The following TCF20 variants were observed in gnomAD, a reference collection of about 807,000 sequenced individuals.
TCF20 encodes SPRE-binding protein.
TCF20 carries 3 observed loss-of-function variants against 148.6 expected under a neutral mutation model. The ratio of observed to expected loss-of-function variants is 0.02; its 90% CI spans 0.01 to 0.05. TCF20 has a LOEUF of 0.05. Among genes scored for constraint, TCF20 ranks in the 10% least tolerant of loss-of-function variants. The pLI is 1.00. For synonymous variants in TCF20, 1,049 were observed against 909.5 expected, an observed-to-expected ratio of 1.15 and a Z score of -2.76; for missense variants, 2,350 against 2,429.3, an observed-to-expected ratio of 0.97 and a Z score of 0.69.
chr22:42,161,399 A>G (rs1237560925), intron 5 of TCF20, 41 bp from the exon 6 acceptor site: 2 of 1,613,708 alleles, frequency 1.2e-6, no homozygotes, highest in East Asian at 2.2e-5. Flanking sequence ...AGGAGCCTCC[A>G]CAGGGTCCAC....
intron 1 of TCF20, among the ~76,000 whole-genome samples, chr22:42,311,444 C>T (rs1927535419): frequency 6.6e-6 from 1 of 152,194 alleles, no homozygotes; most frequent in African/African-American, 2.4e-5. Flanking sequence ...ATCAAATCAG[C>T]CTCTAGAAGT....
upstream of TCF20, among the ~76,000 whole-genome samples, chr22:42,284,462 A>C (rs1341404287): frequency 6.6e-6 from 1 of 152,182 alleles, no homozygotes; most frequent in East Asian, 1.9e-4. Flanking sequence ...AGAGGGCTGC[A>C]TTTTACCTGG....
chr22:42,229,000 G>A (rs1415893764), intron 1 of TCF20, among the ~76,000 whole-genome samples: 1 of 152,190 alleles, frequency 6.6e-6, no homozygotes, highest in Non-Finnish European at 1.5e-5. Flanking sequence ...TACTTGTCCG[G>A]CATTTGGTAT....
chr22:42,327,677 T>A (rs1487108063), intron 1 of TCF20, among the ~76,000 whole-genome samples: 4 of 151,688 alleles, frequency 2.6e-5, no homozygotes, highest in African/African-American at 9.7e-5. Flanking sequence ...CGAGACTGAA[T>A]GCAGAGGAAG....
At chr22:42,201,732 C>CG (rs1373481470) in intron 2 of TCF20, among the ~76,000 whole-genome samples, 1 of 151,738 alleles carries the variant, frequency 6.6e-6, no homozygotes, top group Non-Finnish European at 1.5e-5. Flanking sequence ...TGTGCCATTG[C>CG]GGTCCAGCCT....
At chr22:42,337,673 A>C (rs985716417) in intron 1 of TCF20, among the ~76,000 whole-genome samples, 1 of 152,218 alleles carries the variant, frequency 6.6e-6, no homozygotes, top group Non-Finnish European at 1.5e-5. Context: ...CACAACTCAA[A>C]ATAGCTTGAG....
chr22:42,192,091 T>C (rs1012038623), intron 2 of TCF20, among the ~76,000 whole-genome samples: 3 of 152,196 alleles, frequency 2.0e-5, no homozygotes, highest in Admixed American at 6.5e-5. Flanking sequence ...TTAAAGAAAT[T>C]ACACTCCAGG....
chr22:42,208,480 A>G (rs1266286135), intron 2 of TCF20, among the ~76,000 whole-genome samples: 1 of 152,154 alleles, frequency 6.6e-6, no homozygotes, highest in East Asian at 1.9e-4. Flanking sequence ...TATAAATATT[A>G]GCTGGGCATG....
chr22:42,268,964 G>A lies in TCF20; in HGVS notation c.-37+1375C>T, dbSNP rs75387782. The stretch of plus-strand genomic sequence containing the variant: ...GGCTAAAACAGAGCACAAAATGAGA[G>A]ATAAAAAAGCAAAACCACAAACCCC... On this transcript the variant is annotated intron_variant, in intron 1 of 5. Transcript: ENST00000677622. 3.2e-4 allele frequency among the ~76,000 whole-genome samples: 48 copies of A among 152,300 alleles called. No homozygotes were observed. In the East Asian group the frequency reaches 9.1e-3, roughly 29 times the overall value.
At position 42,214,940 on chromosome 22, in the gene TCF20, C is replaced by A. The variant is rs532916918; in HGVS notation, c.366G>T (p.Gln122His). 1 of 1,614,226 alleles carries A rather than the reference C, an allele frequency of 6.2e-7. No individual in the cohort carries two copies. Among genetic ancestry groups the A allele is most frequent in the South Asian group, 1.1e-5 (1 of 91,086 alleles). ...CATACTGATTGCCAAAGCTGCTCCC[C>A]TGGGGGGGTCCATAGCTCTGCACAG... Reference protein sequence around the residue: ...SGPVQSYGPPQGSSFGNQYGS... With the variant: ...SGPVQSYGPPHGSSFGNQYGS... The change falls in exon 2 of 6, where the codon CAG becomes CAT. Residue 122 changes from glutamine (Q) to histidine (H), a missense_variant. Coordinates refer to ENST00000677622, the MANE Select transcript of TCF20 (RefSeq NM_001378418.1).
Position 42,213,665 on chromosome 22 carries a change from G to C in TCF20, c.1641C>G (p.Thr547=). 39 of 1,614,102 alleles carry C rather than the reference G, an allele frequency of 2.4e-5. No individual in the cohort carries two copies. The highest frequency in any genetic ancestry group is 3.2e-5 in the Non-Finnish European group (38 of 1,179,988). Residue 547 remains threonine, a synonymous_variant, in exon 2 of 6, where the codon ACC becomes ACG. Coordinates refer to ENST00000677622, the MANE Select transcript of TCF20 (RefSeq NM_001378418.1). The part of the protein sequence containing the change: ...LSGQSTSSDT[T]YKGGASEKAG... ...CTTTCTCAGAGGCTCCACCCTTGTA[G>C]GTGGTGTCAGAGCTGGTGCTCTGGC...
chr22:42,226,000 C>T (rs545672487), intron 1 of TCF20, among the ~76,000 whole-genome samples: 13 of 152,326 alleles, frequency 8.5e-5, no homozygotes, highest in Admixed American at 3.9e-4. Flanking sequence ...CTATATCCAC[C>T]ACATGCTTCT....
intron 2 of TCF20, among the ~76,000 whole-genome samples, chr22:42,198,816 C>G (rs946547984): frequency 1.3e-5 from 2 of 152,086 alleles, no homozygotes; most frequent in Non-Finnish European, 1.5e-5. Flanking sequence ...CGCCCGCCAC[C>G]ACGTCCAGCT....
At position 42,215,245 on chromosome 22, in the gene TCF20, C is replaced by T. The variant is rs1921633288; in HGVS notation, c.61G>A (p.Val21Ile). 2.5e-6 allele frequency: 4 copies of T among 1,614,200 alleles called. No homozygotes were observed. Among genetic ancestry groups the T allele is most frequent in the Non-Finnish European group, 3.4e-6 (4 of 1,180,038 alleles). ...TCTTCTAGCCGGGATGAGCCGTGTACCTCCTGTGGGTAGCTTTGCTGGTTT... is the reference window on the plus strand; with the variant it reads ...TCTTCTAGCCGGGATGAGCCGTGTATCTCCTGTGGGTAGCTTTGCTGGTTT... ...HGNQQSYPQE[V>I]HGSSRLEEFS... Residue 21 changes from valine (V) to isoleucine (I), a missense_variant, in exon 2 of 6, where the codon GTA (valine) becomes ATA (isoleucine). Val to Ile is a conservative substitution (Grantham distance 29). Transcript: ENST00000677622.
chr22:42,161,274 G>T lies in TCF20; in HGVS notation c.*129C>A. On this transcript the variant is annotated 3_prime_UTR_variant, in exon 6 of 6. Coordinates refer to ENST00000677622, the MANE Select transcript of TCF20 (RefSeq NM_001378418.1). ...GGCAGGCACGCGGGCGGGGCGGGGCGGGGCAGGGCAGGGTGTGGCTGCACG... is the reference window on the plus strand; with the variant it reads ...GGCAGGCACGCGGGCGGGGCGGGGCTGGGCAGGGCAGGGTGTGGCTGCACG... The T allele has an allele frequency of 1.2e-6, 2 of 1,603,948 alleles. No homozygotes were observed. Among genetic ancestry groups the T allele is most frequent in the Non-Finnish European group, 8.5e-7 (1 of 1,173,404 alleles).
Position 42,212,861 on chromosome 22 carries a change from G to A in TCF20, c.2445C>T (p.Pro815=), listed in dbSNP as rs367696499. Residue 815 remains proline (P), a synonymous_variant, in exon 2 of 6, where the codon CCC becomes CCT. Transcript: ENST00000677622. ...NKSIGSLLEN[P]HWGPWERKSS... is the part of the protein sequence containing the mutation. Reference sequence around the variant, plus strand: ...ATTTCCTTTCCCAGGGGCCCCAGTGGGGATTTTCTAATAGAGACCCAATGC... The same window carrying A: ...ATTTCCTTTCCCAGGGGCCCCAGTGAGGATTTTCTAATAGAGACCCAATGC... The A allele has an allele frequency of 3.7e-6, 6 of 1,614,068 alleles. No individual in the cohort carries two copies. The highest frequency in any genetic ancestry group is 2.2e-5 in the South Asian group (2 of 91,092).
chr22:42,282,517 G>T (rs1392116852), intron 1 of TCF20, among the ~76,000 whole-genome samples: 1 of 152,214 alleles, frequency 6.6e-6, no homozygotes, highest in Non-Finnish European at 1.5e-5. Context: ...CTGTAGCCGG[G>T]GGAGCGCCCA....
chr22:42,219,155 G>A (rs1922094561), intron 1 of TCF20, among the ~76,000 whole-genome samples: 1 of 151,700 alleles, frequency 6.6e-6, no homozygotes, highest in East Asian at 1.9e-4. Flanking sequence ...AGGCTGAGGT[G>A]TGAGGATCGC....
intron 3 of TCF20, among the ~76,000 whole-genome samples, chr22:42,179,054 A>T (rs1309072337): frequency 6.6e-6 from 1 of 151,252 alleles, no homozygotes; most frequent in Non-Finnish European, 1.5e-5. Flanking sequence ...AAAAAAAAAA[A>T]GAAACACATA....
Sources: gnomAD v4.1 joint callset for allele counts (sites outside exome capture counted in the v4.1 genomes callset) on GRCh38, gnomAD v4.1.1 for gene constraint, MANE v1.5 for transcripts, NCBI Gene and HGNC (gene_info 2026-07-23, HGNC 2026-07-21) for gene names.